Variants in SLC15A5 observed in about 807,000 individuals in gnomAD.
SLC15A5 encodes solute carrier family 15 member 5, also known as Peptide/histidine transporter ENSP00000340402.
In SLC15A5, 58 loss-of-function variants were observed where a neutral mutation model predicts 56.1. That is an observed-to-expected ratio of 1.03 (90% CI 0.84 to 1.29). The LOEUF (loss-of-function observed/expected upper bound fraction) is 1.29, where lower values mean the gene tolerates loss of function less well. Among genes scored for constraint, SLC15A5 ranks in the 50% most tolerant of loss-of-function variants. The pLI, the probability that SLC15A5 is intolerant of heterozygous loss-of-function variation, is 0.00. For missense variants in SLC15A5, 681 were observed against 672.1 expected (o/e 1.01, Z -0.15); for synonymous variants, 264 against 250.5 (o/e 1.05, Z -0.51).
intron 2 of SLC15A5, among the ~76,000 whole-genome samples, chr12:16,270,779 A>T (rs1864745271): frequency 1.3e-5 from 2 of 152,154 alleles, no homozygotes; most frequent in East Asian, 3.9e-4. Context: ...TCTTGTCACC[A>T]GCCCCCGCAC....
At position 16,235,778 on chromosome 12, in the gene SLC15A5, C is replaced by G. The variant is rs1013197250; in HGVS notation, c.1162+3903G>C. Among the ~76,000 whole-genome samples, 1 of 152,076 alleles carries G rather than the reference C, an allele frequency of 6.6e-6. No homozygotes were observed. The highest frequency in any genetic ancestry group is 6.5e-5 in the Admixed American group (1 of 15,274). On this transcript the variant is annotated intron_variant, in intron 5 of 8. Coordinates refer to ENST00000344941, the MANE Select transcript of SLC15A5 (RefSeq NM_001170798.1). The surrounding 1 kb of genome is among the most constrained non-coding windows in gnomAD (Gnocchi z 4.1). ...AAGAATTTTCCCTGAGATAATTGTACTTGCAATGAAAATAACTGGATCCTT... is the reference window on the plus strand; with the variant it reads ...AAGAATTTTCCCTGAGATAATTGTAGTTGCAATGAAAATAACTGGATCCTT...
rs1315900573 is a variant in SLC15A5 at position 16,260,483 on chromosome 12, C to CT, written c.585-2614dup. Among the ~76,000 whole-genome samples, 1,332 of 141,956 alleles carry CT rather than the reference C, an allele frequency of 9.4e-3. 11 individuals carry two copies. The highest frequency in any genetic ancestry group is 0.026 in the African/African-American group (1,017 of 38,974). The allele number at this position is 141,956 out of a possible 152,430, so 93.1% of individuals were successfully genotyped here. A position where few individuals can be genotyped will look rare whatever the true frequency, so the allele number is the denominator to read the frequency against. On this transcript the variant is annotated intron_variant, in intron 2 of 8. Coordinates refer to ENST00000344941, the MANE Select transcript of SLC15A5 (RefSeq NM_001170798.1). ...CATATTGGCTAATACTGGAAATCCT[C>CT]TTTTTTTTTTTTATTGGGTAGTTTC...
rs775293573 is a variant in SLC15A5 at position 16,189,807 on chromosome 12, T to A, written c.1601A>T (p.Asn534Ile). ...GTTCTGGGCATTAAAATGATTTAGA[T>A]TACAATATCTAAAAAAGAAAGAAAG... ...GFCSVSQRYCNLNHFNAQNIR... is the reference protein window; with the variant it reads ...GFCSVSQRYCILNHFNAQNIR... Residue 534 changes from asparagine to isoleucine, a missense_variant, in exon 9 of 9, where the codon AAT becomes ATT. Physicochemically the swap from Asn to Ile is moderately radical, Grantham distance 149. Transcript: ENST00000344941. 1.3e-6 allele frequency: 2 copies of A among 1,491,288 alleles called. No homozygotes were observed. The highest frequency in any genetic ancestry group is 2.6e-5 in the South Asian group (2 of 75,786). 92.4% of individuals were successfully genotyped at this position (1,491,288 alleles called of 1,614,324 possible). A position where few individuals can be genotyped will look rare whatever the true frequency, so the allele number is the denominator to read the frequency against.
At chr12:16,252,455 G>A (rs1029107236) in intron 3 of SLC15A5, among the ~76,000 whole-genome samples, 1 of 152,052 alleles carries the variant, frequency 6.6e-6, no homozygotes, top group African/African-American at 2.4e-5. Flanking sequence ...AAGGAGTTCA[G>A]CAGTTTCAGA....
At chr12:16,257,593 T>G (rs1380402795) in intron 3 of SLC15A5, 108 bp downstream of exon 3, 4 of 923,822 alleles carry the variant, frequency 4.3e-6, no homozygotes, top group Non-Finnish European at 5.8e-6. Flanking sequence ...TCTGACACAA[T>G]TTTCAAATTC....
At chr12:16,240,139 G>GC (rs962967969) in intron 4 of SLC15A5, among the ~76,000 whole-genome samples, 3 of 152,182 alleles carry the variant, frequency 2.0e-5, no homozygotes, top group African/African-American at 7.2e-5. Flanking sequence ...AGTAATGATG[G>GC]CCCCAATTTT....
At chr12:16,265,545 C>T (rs907870295) in intron 2 of SLC15A5, among the ~76,000 whole-genome samples, 1 of 152,308 alleles carries the variant, frequency 6.6e-6, no homozygotes, top group South Asian at 2.1e-4. Flanking sequence ...GTAGCATGAC[C>T]TTGACTCACT....
In SLC15A5 at chr12:16,264,098, G is replaced by A. The variant is rs534101189; in HGVS notation, c.585-6228C>T. Reference sequence around the variant, plus strand: ...GGTAGATCCACTGACAGCTTGCACCGTGTGCCTGGAAAAGCAGCAGACACT... The same window carrying A: ...GGTAGATCCACTGACAGCTTGCACCATGTGCCTGGAAAAGCAGCAGACACT... On this transcript the variant is annotated intron_variant, in intron 2 of 8. Transcript: ENST00000344941. Among the ~76,000 whole-genome samples the A allele has an allele frequency of 1.4e-4, 21 of 152,278 alleles. No homozygotes were observed. The East Asian group carries it at 3.7e-3, about 27-fold the overall frequency.
intron 8 of SLC15A5, among the ~76,000 whole-genome samples, chr12:16,190,138 A>G (rs1282118857): frequency 1.3e-5 from 2 of 152,202 alleles, no homozygotes; most frequent in Non-Finnish European, 2.9e-5. Flanking sequence ...GTCAGGATGC[A>G]TAAGAGGTTT....
chr12:16,215,447 A>G (rs1358744173), intron 7 of SLC15A5, among the ~76,000 whole-genome samples: 1 of 152,188 alleles, frequency 6.6e-6, no homozygotes, highest in Non-Finnish European at 1.5e-5. Flanking sequence ...TGAGTAATGT[A>G]AAGAAAGGAA....
intron 8 of SLC15A5, among the ~76,000 whole-genome samples, chr12:16,192,568 C>G (rs1237287127): frequency 6.6e-6 from 1 of 152,010 alleles, no homozygotes; most frequent in African/African-American, 2.4e-5. Context: ...GATGTTAGCT[C>G]CATGTAGACT....
At chr12:16,216,836 C>T in intron 7 of SLC15A5, 57 bp downstream of exon 7, 4 of 1,448,812 alleles carry the variant, frequency 2.8e-6, no homozygotes, top group Middle Eastern at 1.8e-4. Flanking sequence ...GATTTGGTCT[C>T]CCCATTCCCT....
At chr12:16,246,492 C>T (rs1864462258) in intron 3 of SLC15A5, among the ~76,000 whole-genome samples, 2 of 152,150 alleles carry the variant, frequency 1.3e-5, no homozygotes, top group African/African-American at 4.8e-5. Context: ...CATTTCCTTA[C>T]AATCTTGTCT....
In SLC15A5 at chr12:16,267,241, T is replaced by C. The variant is rs141853706; in HGVS notation, c.584+5320A>G. ...AAGTATTTTATTCGACATTGATCAA[T>C]GTTCAGATAATTTTCCAGGGGATTT... On this transcript the variant is annotated intron_variant, in intron 2 of 8. Coordinates refer to ENST00000344941, the MANE Select transcript of SLC15A5 (RefSeq NM_001170798.1). 1.5e-3 allele frequency among the ~76,000 whole-genome samples: 74 copies of C among 48,312 alleles called. 23 individuals are homozygous for C. Among genetic ancestry groups the C allele is most frequent in the African/African-American group, 6.1e-3 (72 of 11,738 alleles). The allele number at this position is 48,312 out of a possible 152,430, so 31.7% of individuals were successfully genotyped here. A position where few individuals can be genotyped will look rare whatever the true frequency, so the allele number is the denominator to read the frequency against.
intron 2 of SLC15A5, among the ~76,000 whole-genome samples, chr12:16,259,984 C>T (rs915838781): frequency 1.2e-4 from 18 of 151,958 alleles, no homozygotes; most frequent in African/African-American, 3.6e-4. Flanking sequence ...CAACATCACC[C>T]GACTTGGGAA....
chr12:16,197,087 A>AG (rs944676454), intron 7 of SLC15A5, among the ~76,000 whole-genome samples: 1 of 149,488 alleles, frequency 6.7e-6, no homozygotes, highest in African/African-American at 2.4e-5. Flanking sequence ...GATTATCTTA[A>AG]AAAAAAAAAG....
chr12:16,239,664 G>A lies in SLC15A5; in HGVS notation c.1162+17C>T. ...AAGTTTCAAACGATTCGCATGAAAT[G>A]GTTAAATTGTACTTACTGATGCATG... On this transcript the variant is annotated intron_variant, in intron 5 of 8. Coordinates refer to ENST00000344941, the MANE Select transcript of SLC15A5 (RefSeq NM_001170798.1). 1 of 1,531,546 alleles carries A rather than the reference G, an allele frequency of 6.5e-7. No homozygotes were observed. The allele number at this position is 1,531,546 out of a possible 1,614,324, so 94.9% of individuals were successfully genotyped here. A position where few individuals can be genotyped will look rare whatever the true frequency, so the allele number is the denominator to read the frequency against.
At position 16,243,444 on chromosome 12, in the gene SLC15A5, G is replaced by C. The variant is rs544036676; in HGVS notation, c.975+1136C>G. The stretch of plus-strand genomic sequence containing the variant: ...AGCTGGTTTCGAATTCCCGATCTCA[G>C]GTAATCTGCCTGCCTCGGCCTCCCA... On this transcript the variant is annotated intron_variant, in intron 4 of 8. Coordinates refer to ENST00000344941, the MANE Select transcript of SLC15A5 (RefSeq NM_001170798.1). The surrounding 1 kb of genome is among the most constrained non-coding windows in gnomAD (Gnocchi z 4.4). Among the ~76,000 whole-genome samples, 76 of 152,168 alleles carry C rather than the reference G, an allele frequency of 5.0e-4. No homozygotes were observed. The highest frequency in any genetic ancestry group is 1.5e-3 in the African/African-American group (62 of 41,534).
At chr12:16,222,720 G>A (rs1463301507) in intron 6 of SLC15A5, among the ~76,000 whole-genome samples, 2 of 152,070 alleles carry the variant, frequency 1.3e-5, no homozygotes, top group African/African-American at 4.8e-5. Flanking sequence ...CACAGTCATT[G>A]GTTTTCTGTA....
Sources: gnomAD v4.1 joint callset for allele counts (sites outside exome capture counted in the v4.1 genomes callset) on GRCh38, gnomAD v4.1.1 for gene constraint, Gnocchi (gnomAD v3.1) non-coding constraint, MANE v1.5 for transcripts, NCBI Gene and HGNC (gene_info 2026-07-23, HGNC 2026-07-21) for gene names.